Variants in CEP290 observed in about 807,000 individuals in gnomAD.
CEP290 encodes centrosomal protein 290.
A neutral mutation model predicts 344.9 loss-of-function variants in CEP290; 317 were observed. The ratio of observed to expected loss-of-function variants is 0.92; its 90% confidence interval spans 0.84 to 1.01. The LOEUF is 1.01. Among genes scored for constraint, CEP290 ranks in the 50% least tolerant of loss-of-function variants. The probability of loss-of-function intolerance (pLI) is 0.00; values close to 1 mark genes in which losing one functional copy is unlikely to be tolerated. For synonymous variants in CEP290, 932 were observed against 895.8 expected, an observed-to-expected ratio of 1.04 and a Z score of -0.72; for missense variants, 2,754 against 2,761.4, an observed-to-expected ratio of 1.00 and a Z score of 0.06.
chr12:88,094,697 T>C (rs559678654), intron 27 of CEP290, among the ~76,000 whole-genome samples: 5 of 152,026 alleles, frequency 3.3e-5, no homozygotes, highest in Non-Finnish European at 7.4e-5. Context: ...AACATACTTT[T>C]GCTTTGTAAA....
intron 36 of CEP290, 30 bp from the exon 37 acceptor site, chr12:88,083,260 C>T (rs2036326505): frequency 2.4e-6 from 3 of 1,258,082 alleles, no homozygotes; most frequent in South Asian, 3.7e-5. Flanking sequence ...TAGCAATAGG[C>T]ATGTATAATT....
intron 23 of CEP290, among the ~76,000 whole-genome samples, chr12:88,107,846 G>A (rs2038398733): frequency 6.6e-6 from 1 of 151,512 alleles, no homozygotes; most frequent in South Asian, 2.1e-4. Flanking sequence ...AGGTTGCAGT[G>A]AGCCAAGATA....
intron 17 of CEP290, 140 bp from the exon 18 acceptor site, chr12:88,117,285 T>C: frequency 5.5e-6 from 3 of 547,408 alleles, no homozygotes; most frequent in Non-Finnish European, 9.7e-6. Flanking sequence ...AAATTCTACA[T>C]AGCCAATACA....
intron 51 of CEP290, 150 bp downstream of exon 51, chr12:88,054,190 T>G (rs551808127): frequency 3.4e-6 from 2 of 586,944 alleles, no homozygotes; most frequent in South Asian, 4.5e-5. Flanking sequence ...GTGATTAGCA[T>G]TAGAGGGAAG....
intron 11 of CEP290, 63 bp downstream of exon 11, chr12:88,128,883 A>C (rs1273750313): frequency 2.1e-6 from 2 of 972,652 alleles, no homozygotes; most frequent in South Asian, 3.6e-5. Context: ...AAGAAAAATA[A>C]GACTAAAATT....
Position 88,086,443 on chromosome 12 carries a change from T to G in CEP290, c.4250A>C (p.Gln1417Pro). Residue 1417 changes from glutamine to proline, a missense_variant, in exon 33 of 54, where the codon CAA becomes CCA. Gln to Pro is a moderately conservative substitution (Grantham distance 76). Coordinates refer to ENST00000552810, the MANE Select transcript of CEP290 (RefSeq NM_025114.4). Reference protein sequence around the residue: ...WDQREVDLERQLDIFDRQQNE... With the variant: ...WDQREVDLERPLDIFDRQQNE... ...TTGCTGACGGTCAAAAATGTCTAGT[T>G]GGCGTTCCAGGTCAACTTCTCTTTG... 1 of 1,600,996 alleles carries G rather than the reference T, an allele frequency of 6.2e-7. No individual in the cohort carries two copies. The highest frequency in any genetic ancestry group is 8.5e-7 in the Non-Finnish European group (1 of 1,172,458).
chr12:88,050,410 T>G lies in CEP290; in HGVS notation c.7153A>C (p.Ile2385Leu), dbSNP rs191581359. Residue 2385 changes from isoleucine to leucine, a missense_variant, in exon 53 of 54, where the codon ATA becomes CTA. By Grantham distance (5) the Ile-to-Leu change is conservative. Transcript: ENST00000552810. Reference sequence around the variant, plus strand: ...TTGAGCTGTGTCTCTAGATCTTTTATTTTTTCCTTTAGTTGATCAGCATCT... The same window carrying G: ...TTGAGCTGTGTCTCTAGATCTTTTAGTTTTTCCTTTAGTTGATCAGCATCT... Reference protein sequence around the residue: ...IPDADQLKEKIKDLETQLKMS... With the variant: ...IPDADQLKEKLKDLETQLKMS... The G allele has an allele frequency of 6.4e-7, 1 of 1,561,324 alleles. No individual in the cohort carries two copies. The highest frequency in any genetic ancestry group is 8.8e-7 in the Non-Finnish European group (1 of 1,142,470).
chr12:88,139,547 C>T lies in CEP290; in HGVS notation c.198G>A (p.Val66=). 1 of 1,586,074 alleles carries T rather than the reference C, an allele frequency of 6.3e-7. No individual in the cohort carries two copies. The highest frequency in any genetic ancestry group is 8.6e-7 in the Non-Finnish European group (1 of 1,167,014). Residue 66 remains valine, a synonymous_variant, in exon 4 of 54, where the codon GTG becomes GTA. Transcript: ENST00000552810. The part of the protein sequence containing the change: ...QSLMKMKAQE[V]ELALEEVEKA... ...TTTCTACTTCTTCCAAAGCCAGCTC[C>T]ACTTCTTGAGCTTTCATCTAAACAT... is the stretch of plus-strand genomic sequence containing the variant.
chr12:88,120,252 C>T lies in CEP290; in HGVS notation c.1384G>A (p.Val462Ile), dbSNP rs374199052. ...TTTTTACAATTCTTTATTTCAACGA[C>T]AGCATCTTCTAAACCATATACTCCC... ...ESGVYGLEDA[V>I]VEIKNCKNQI... The change falls in exon 15 of 54, where the codon GTC (valine) becomes ATC (isoleucine). Residue 462 changes from valine to isoleucine, a missense_variant. Coordinates refer to ENST00000552810, the MANE Select transcript of CEP290 (RefSeq NM_025114.4). The T allele has an allele frequency of 2.2e-4, 328 of 1,462,966 alleles. No individual in the cohort carries two copies. The highest frequency in any genetic ancestry group is 2.8e-4 in the Non-Finnish European group (299 of 1,085,074). The allele number at this position is 1,462,966 out of a possible 1,614,324, so 90.6% of individuals were successfully genotyped here.
chr12:88,116,017 T>A (rs1592624641), intron 18 of CEP290: 2 of 985,290 alleles, frequency 2.0e-6, no homozygotes. Flanking sequence ...GATTTATCCA[T>A]GTCAGCTCTA....
At chr12:88,067,145 C>T (rs1433270347) in intron 44 of CEP290, among the ~76,000 whole-genome samples, 5 of 150,982 alleles carry the variant, frequency 3.3e-5, no homozygotes, top group Admixed American at 6.6e-5. Context: ...TAAGGCAAAA[C>T]AATCAACTCT....
intron 49 of CEP290, among the ~76,000 whole-genome samples, chr12:88,056,513 T>G (rs982474302): frequency 2.0e-5 from 3 of 152,202 alleles, no homozygotes; most frequent in Admixed American, 6.5e-5. Context: ...AAACTTAGAT[T>G]AGAAGGGAAT....
intron 6 of CEP290, among the ~76,000 whole-genome samples, chr12:88,132,290 C>T (rs1003864269): frequency 6.6e-5 from 10 of 151,906 alleles, no homozygotes; most frequent in Admixed American, 2.0e-4. Flanking sequence ...TTAAAGGAGA[C>T]GATAGAATCA....
At chr12:88,049,455 A>G (rs2033261812) in intron 53 of CEP290, 41 bp from the exon 54 acceptor site, 4 of 1,027,356 alleles carry the variant, frequency 3.9e-6, no homozygotes, top group East Asian at 2.6e-5. Flanking sequence ...TATAGGAAAT[A>G]TACATATTTT....
chr12:88,135,826 A>G (rs1046622582), intron 6 of CEP290: 3 of 152,160 alleles, frequency 2.0e-5, no homozygotes, highest in Non-Finnish European at 2.9e-5. Context: ...GTTTCTGAGT[A>G]TAAGGGACAG....
chr12:88,090,273 G>C (rs2036923930), intron 30 of CEP290, among the ~76,000 whole-genome samples: 1 of 152,088 alleles, frequency 6.6e-6, no homozygotes, highest in South Asian at 2.1e-4. Context: ...TCAAATTAAA[G>C]AGCTTTCTAA....
intron 6 of CEP290, among the ~76,000 whole-genome samples, chr12:88,135,149 T>C (rs2040284522): frequency 6.6e-6 from 1 of 152,154 alleles, no homozygotes; most frequent in African/African-American, 2.4e-5. Context: ...GCCTCTGGTA[T>C]GCTGTAAAGA....
Position 88,083,827 on chromosome 12 carries a change from C to G in CEP290, c.4812+20G>C, listed in dbSNP as rs780774862. 7 of 1,437,534 alleles carry G rather than the reference C, an allele frequency of 4.9e-6. No individual in the cohort carries two copies. The highest frequency in any genetic ancestry group is 6.7e-6 in the Non-Finnish European group (7 of 1,047,846). 89.0% of individuals were successfully genotyped at this position (1,437,534 alleles called of 1,614,324 possible). ...TCACAAAAATCAATAAAGAATGGAA[C>G]AAAGTTCTTAGAATCTTACCCAAGC... On this transcript the variant is annotated intron_variant, in intron 36 of 53. Transcript: ENST00000552810.
At chr12:88,118,810 C>T in intron 15 of CEP290, 67 bp from the exon 16 acceptor site, 2 of 1,075,728 alleles carry the variant, frequency 1.9e-6, no homozygotes, top group Non-Finnish European at 2.7e-6. Flanking sequence ...ATGTCATATA[C>T]CATCAAGCAA....
Sources: gnomAD v4.1 joint callset for allele counts (sites outside exome capture counted in the v4.1 genomes callset) on GRCh38, gnomAD v4.1.1 for gene constraint, MANE v1.5 for transcripts, NCBI Gene and HGNC (gene_info 2026-07-23, HGNC 2026-07-21) for gene names.